LMAN2L: variants seen among roughly 807,000 people sequenced by gnomAD.
The protein encoded by LMAN2L is lectin, mannose binding 2 like.
Under a neutral mutation model 44.3 loss-of-function variants are expected in LMAN2L, and 30 were observed. The ratio of observed to expected loss-of-function variants is 0.68; its 90% CI spans 0.51 to 0.92. LMAN2L has a LOEUF of 0.92. LMAN2L is among the 40% of genes least tolerant of loss of function. LMAN2L has a pLI of 0.00. For missense variants in LMAN2L, 429 were observed against 446.1 expected, an observed-to-expected ratio of 0.96 and a Z score of 0.35; for synonymous variants, 183 against 171.1, an observed-to-expected ratio of 1.07 and a Z score of -0.54.
intron 4 of LMAN2L, among the ~76,000 whole-genome samples, chr2:96,721,039 G>C (rs2078142568): frequency 6.6e-6 from 1 of 152,048 alleles, no homozygotes; most frequent in Admixed American, 6.6e-5. Context: ...AGTATATTCA[G>C]AGTTAAGATT....
chr2:96,709,744 TACA>T (rs1405736664), intron 6 of LMAN2L, among the ~76,000 whole-genome samples: 6 of 152,158 alleles, frequency 3.9e-5, no homozygotes, highest in Non-Finnish European at 8.8e-5. Context: ...CAACCTACTA[TACA>T]ACAAGTAAGA....
At chr2:96,716,107 G>A (rs17119562) in intron 4 of LMAN2L, among the ~76,000 whole-genome samples, 12 of 152,078 alleles carry the variant, frequency 7.9e-5, no homozygotes, top group South Asian at 4.1e-4. Flanking sequence ...TCTAAAGCAC[G>A]AATTCCCAGA....
chr2:96,729,781 C>T (rs1036884078), intron 4 of LMAN2L, among the ~76,000 whole-genome samples: 4 of 152,094 alleles, frequency 2.6e-5, no homozygotes, highest in Admixed American at 2.6e-4. Flanking sequence ...GCTGGGATTA[C>T]GGGTGTGAGC....
chr2:96,717,871 A>C (rs2078072821), intron 4 of LMAN2L, among the ~76,000 whole-genome samples: 1 of 152,124 alleles, frequency 6.6e-6, no homozygotes, highest in Non-Finnish European at 1.5e-5. Context: ...GGACAAAGCA[A>C]ATGTAGTAAA....
chr2:96,734,607 T>C (rs960899006), intron 2 of LMAN2L, 81 bp from the exon 3 acceptor site: 3 of 880,356 alleles, frequency 3.4e-6, no homozygotes, highest in Non-Finnish European at 3.9e-6. Context: ...TCAACAGACT[T>C]GGAAAACACA....
At chr2:96,707,956 T>C (rs2077822162) in intron 6 of LMAN2L, 123 bp from the exon 7 acceptor site, 1 of 935,398 alleles carries the variant, frequency 1.1e-6, no homozygotes, top group Non-Finnish European at 1.6e-6. Context: ...AAAAAATAAT[T>C]GAAACCTCTC....
chr2:96,709,211 G>A (rs560587109), intron 6 of LMAN2L, among the ~76,000 whole-genome samples: 5 of 152,080 alleles, frequency 3.3e-5, no homozygotes, highest in African/African-American at 7.2e-5. Context: ...GTGAGCCACC[G>A]CGCCTGGCCT....
intron 4 of LMAN2L, chr2:96,713,252 A>C: frequency 1.2e-6 from 1 of 829,806 alleles, no homozygotes; most frequent in Non-Finnish European, 1.9e-6. Flanking sequence ...ATGGATGAAC[A>C]AACCAACTTA....
At chr2:96,708,598 C>A (rs1230780442) in intron 6 of LMAN2L, among the ~76,000 whole-genome samples, 2 of 152,194 alleles carry the variant, frequency 1.3e-5, no homozygotes, top group Non-Finnish European at 2.9e-5. Flanking sequence ...TAAGAACAGA[C>A]AAAGTAGGAC....
rs189279121 is a variant in LMAN2L at position 96,711,580 on chromosome 2, G to A, written c.784+76C>T. ...AGCACCGCTCCTCTGGCTCTCCCCT[G>A]TGAGAGGCCTCAATGAAGTGTGGGT... On this transcript the variant is annotated intron_variant, in intron 6 of 7. Coordinates refer to ENST00000264963, the MANE Select transcript of LMAN2L (RefSeq NM_030805.4). 1.5e-4 allele frequency: 144 copies of A among 975,130 alleles called. No individual in the cohort carries two copies. In the East Asian group the frequency reaches 2.0e-3, roughly 14 times the overall value. 60.4% of individuals were successfully genotyped at this position (975,130 alleles called of 1,614,324 possible). A position where few individuals can be genotyped will look rare whatever the true frequency, so the allele number is the denominator to read the frequency against.
intron 4 of LMAN2L, chr2:96,713,147 G>T (rs775483368): frequency 6.4e-7 from 1 of 1,550,994 alleles, no homozygotes. Context: ...GGCCTGAGAG[G>T]GTCCAGCAGG....
At chr2:96,721,540 T>C (rs2078155976) in intron 4 of LMAN2L, among the ~76,000 whole-genome samples, 1 of 151,832 alleles carries the variant, frequency 6.6e-6, no homozygotes, top group Non-Finnish European at 1.5e-5. Flanking sequence ...TCTTGCTCCA[T>C]CGCCCAGGCT....
intron 4 of LMAN2L, among the ~76,000 whole-genome samples, chr2:96,712,405 G>A (rs2077946234): frequency 6.6e-6 from 1 of 152,174 alleles, no homozygotes; most frequent in Admixed American, 6.5e-5. Flanking sequence ...TGCCACATAA[G>A]CTTCTTGAAG....
chr2:96,729,884 C>A (rs992901353), intron 4 of LMAN2L, among the ~76,000 whole-genome samples: 1 of 152,082 alleles, frequency 6.6e-6, no homozygotes, highest in African/African-American at 2.4e-5. Context: ...TGTGAATCTC[C>A]TGGAAAGCTT....
At chr2:96,739,289 G>A (rs541751853) in intron 1 of LMAN2L, among the ~76,000 whole-genome samples, 4 of 152,310 alleles carry the variant, frequency 2.6e-5, no homozygotes, top group African/African-American at 9.6e-5. Flanking sequence ...TGTTAGTTAA[G>A]CCATCTGCAC....
chr2:96,726,692 G>A (rs763355000), intron 4 of LMAN2L, among the ~76,000 whole-genome samples: 2 of 152,016 alleles, frequency 1.3e-5, no homozygotes, highest in Non-Finnish European at 2.9e-5. Context: ...GCTGGGGCAG[G>A]AGAATTGCTT....
intron 4 of LMAN2L, among the ~76,000 whole-genome samples, chr2:96,724,390 T>A (rs909537949): frequency 2.6e-5 from 4 of 152,252 alleles, no homozygotes; most frequent in African/African-American, 9.6e-5. Flanking sequence ...AGGTAGGGAC[T>A]GCATAGAGCA....
At chr2:96,734,937 G>A (rs969935200) in intron 2 of LMAN2L, among the ~76,000 whole-genome samples, 2 of 152,198 alleles carry the variant, frequency 1.3e-5, no homozygotes. Flanking sequence ...ACTCTGAAAA[G>A]CTGGATTTAA....
chr2:96,710,472 C>T (rs577173668), intron 6 of LMAN2L, among the ~76,000 whole-genome samples: 135 of 152,258 alleles, frequency 8.9e-4, no homozygotes, highest in South Asian at 1.9e-3. Context: ...TGGAGACCAT[C>T]CTGGCCAACA....
Sources: gnomAD v4.1 joint callset for allele counts (sites outside exome capture counted in the v4.1 genomes callset) on GRCh38, gnomAD v4.1.1 for gene constraint, MANE v1.5 for transcripts, NCBI Gene and HGNC (gene_info 2026-07-23, HGNC 2026-07-21) for gene names.